The following SEMA6D variants were observed in gnomAD, a reference collection of about 807,000 sequenced individuals.
SEMA6D encodes semaphorin-6D.
Under a neutral mutation model 106.6 loss-of-function variants are expected in SEMA6D, and 35 were observed. The ratio of observed to expected loss-of-function variants is 0.33; its 90% confidence interval spans 0.25 to 0.44. SEMA6D has a LOEUF of 0.44. Ranked by LOEUF, SEMA6D falls within the 20% of genes least tolerant of loss-of-function variation. The probability of loss-of-function intolerance (pLI) is 1.00; values close to 1 mark genes in which losing one functional copy is unlikely to be tolerated. For missense variants in SEMA6D, 1,185 were observed against 1,345.9 expected, an observed-to-expected ratio of 0.88 and a Z score of 1.87; for synonymous variants, 499 against 487.7, an observed-to-expected ratio of 1.02 and a Z score of -0.31.
chr15:47,262,229 A>G (rs1697319082), intron 1 of SEMA6D, among the ~76,000 whole-genome samples: 3 of 152,206 alleles, frequency 2.0e-5, no homozygotes, highest in Admixed American at 2.0e-4. Flanking sequence ...ATGCATAGGA[A>G]GAATCAATAT....
intron 3 of SEMA6D, among the ~76,000 whole-genome samples, chr15:47,528,603 G>C (rs755270660): frequency 6.6e-6 from 1 of 152,194 alleles, no homozygotes; most frequent in Non-Finnish European, 1.5e-5. Flanking sequence ...TGATATGCAT[G>C]GTTCAATAAG....
chr15:47,728,571 A>G (rs2079913347), intron 1 of SEMA6D, among the ~76,000 whole-genome samples: 1 of 152,236 alleles, frequency 6.6e-6, no homozygotes, highest in African/African-American at 2.4e-5. Flanking sequence ...CTCAAGGAGC[A>G]TCACTTAGTT....
At chr15:47,733,678 A>G (rs1011842696) in intron 1 of SEMA6D, among the ~76,000 whole-genome samples, 5 of 152,150 alleles carry the variant, frequency 3.3e-5, no homozygotes, top group African/African-American at 1.2e-4. Context: ...CTCACTGGAA[A>G]GTTAGGATAA....
chr15:47,359,459 G>C (rs1258243621), intron 1 of SEMA6D: 1 of 152,176 alleles, frequency 6.6e-6, no homozygotes, highest in East Asian at 1.9e-4. Flanking sequence ...CTGGGACATA[G>C]AAAGTGTGGG....
intron 1 of SEMA6D, among the ~76,000 whole-genome samples, chr15:47,194,624 A>G (rs1006888222): frequency 6.6e-6 from 1 of 152,216 alleles, no homozygotes; most frequent in Non-Finnish European, 1.5e-5. Context: ...CACACATAGT[A>G]CCAAAATATG....
intron 1 of SEMA6D, among the ~76,000 whole-genome samples, chr15:47,278,190 T>A (rs1260416725): frequency 6.6e-6 from 1 of 152,196 alleles, no homozygotes; most frequent in African/African-American, 2.4e-5. Flanking sequence ...ATTGCCACAC[T>A]GACTTCCACA....
At chr15:47,763,403 AACC>A (rs1354755717) in intron 9 of SEMA6D, among the ~76,000 whole-genome samples, 8 of 152,296 alleles carry the variant, frequency 5.3e-5, no homozygotes, top group African/African-American at 1.9e-4. Context: ...CTCTTTAGAA[AACC>A]ACTGATAGTC....
Position 47,561,737 on chromosome 15 carries a change from T to A in SEMA6D, c.-86-39128T>A, listed in dbSNP as rs188779879. 5.4e-3 allele frequency among the ~76,000 whole-genome samples: 794 copies of A among 148,196 alleles called. 3 individuals carry two copies. The highest frequency in any genetic ancestry group is 0.019 in the African/African-American group (736 of 38,764). ...ATGTGTTTTTCAATTTCTTATTAAT[T>A]TTAAAATATTATGTAAGATTTTATT... On this transcript the variant is annotated intron_variant, in intron 3 of 19. Transcript: ENST00000558014.
intron 4 of SEMA6D, among the ~76,000 whole-genome samples, chr15:47,709,183 C>T (rs557632675): frequency 6.6e-6 from 1 of 152,166 alleles, no homozygotes; most frequent in East Asian, 1.9e-4. Flanking sequence ...ATGAGAGAGT[C>T]CCTTGACTGA....
chr15:47,520,694 G>A (rs550043883), intron 3 of SEMA6D, among the ~76,000 whole-genome samples: 3 of 152,312 alleles, frequency 2.0e-5, no homozygotes, highest in South Asian at 2.1e-4. Context: ...AGCCATGAGC[G>A]AATGGTGTGA....
At chr15:47,603,582 C>T (rs2076710400) in intron 4 of SEMA6D, 1 of 152,090 alleles carries the variant, frequency 6.6e-6, no homozygotes, top group Non-Finnish European at 1.5e-5. Flanking sequence ...TACCATCTGT[C>T]CCGCCAACCC....
intron 4 of SEMA6D, among the ~76,000 whole-genome samples, chr15:47,625,425 T>C (rs978348453): frequency 8.5e-5 from 13 of 152,140 alleles, no homozygotes; most frequent in African/African-American, 3.1e-4. Flanking sequence ...TCTTTATCAG[T>C]AAAATGCCTA....
At chr15:47,199,173 A>T (rs1236463001) in intron 1 of SEMA6D, among the ~76,000 whole-genome samples, 1 of 152,154 alleles carries the variant, frequency 6.6e-6, no homozygotes, top group East Asian at 1.9e-4. Context: ...ATATTTCAGG[A>T]AGCAAATGTG....
chr15:47,720,082 T>G (rs965723107), intron 1 of SEMA6D, among the ~76,000 whole-genome samples: 13 of 152,190 alleles, frequency 8.5e-5, no homozygotes, highest in Non-Finnish European at 1.9e-4. Context: ...TAGAATGTAC[T>G]TCCAGAAAGA....
chr15:47,717,010 C>T (rs940350210), upstream of SEMA6D: 1 of 152,194 alleles, frequency 6.6e-6, no homozygotes, highest in East Asian at 1.9e-4. Context: ...GGCAGAACTT[C>T]ACGGAACAAC....
At chr15:47,298,003 T>G (rs1333484814) in intron 1 of SEMA6D, among the ~76,000 whole-genome samples, 1 of 152,234 alleles carries the variant, frequency 6.6e-6, no homozygotes, top group Admixed American at 6.5e-5. Flanking sequence ...ATTCTGATCC[T>G]TATAGCCTGC....
At chr15:47,762,845 C>T (rs1359636556) in intron 8 of SEMA6D, among the ~76,000 whole-genome samples, 171 bp from the exon 9 acceptor site, 1 of 152,102 alleles carries the variant, frequency 6.6e-6, no homozygotes, top group Non-Finnish European at 1.5e-5. Flanking sequence ...TGACTGGTTC[C>T]CTGAAGCTTG....
chr15:47,581,663 C>G (rs1177728465), intron 3 of SEMA6D, among the ~76,000 whole-genome samples: 1 of 152,066 alleles, frequency 6.6e-6, no homozygotes, highest in Non-Finnish European at 1.5e-5. Flanking sequence ...CAAAGAGGAC[C>G]AGAGCAAAGG....
intron 1 of SEMA6D, among the ~76,000 whole-genome samples, chr15:47,365,890 GGAGAGAGAGAGAGAGA>G (rs201368884): frequency 2.2e-4 from 26 of 119,744 alleles, no homozygotes; most frequent in African/African-American, 9.5e-4. Flanking sequence ...GAGAGAGAGA[GGAGAGAGAGAGAGAGA>G]GAGAGAGAGA....
Sources: allele counts gnomAD v4.1 joint callset (sites outside exome capture counted in the v4.1 genomes callset), GRCh38; gene constraint gnomAD v4.1.1; transcripts MANE v1.5; gene names NCBI Gene and HGNC (gene_info 2026-07-23, HGNC 2026-07-21).